Variants in PLCXD3 observed in about 807,000 individuals in gnomAD.
The protein encoded by PLCXD3 is PI-PLC X domain-containing protein 3.
Under a neutral mutation model 25.5 loss-of-function variants are expected in PLCXD3, and 19 were observed. The ratio of observed to expected loss-of-function variants is 0.75; its 90% CI spans 0.52 to 1.09. PLCXD3 has a LOEUF of 1.09. Ranked by LOEUF, PLCXD3 falls within the 50% of genes least tolerant of loss-of-function variation. PLCXD3 has a pLI of 0.00. For missense variants in PLCXD3, 411 were observed against 388.1 expected (o/e 1.06, Z -0.50); for synonymous variants, 174 against 137.6 (o/e 1.26, Z -1.85).
At chr5:41,454,436 G>A (rs1747706344) in intron 1 of PLCXD3, among the ~76,000 whole-genome samples, 1 of 151,974 alleles carries the variant, frequency 6.6e-6, no homozygotes, top group Non-Finnish European at 1.5e-5. Flanking sequence ...GTCCTCACAA[G>A]ATGGCAGGTG....
At chr5:41,477,572 C>G (rs1391261219) in intron 1 of PLCXD3, among the ~76,000 whole-genome samples, 1 of 151,978 alleles carries the variant, frequency 6.6e-6, no homozygotes, top group Non-Finnish European at 1.5e-5. Flanking sequence ...GAACTGGTAC[C>G]CAGGATCAAG....
intron 2 of PLCXD3, among the ~76,000 whole-genome samples, chr5:41,327,087 CT>C (rs932283338): frequency 2.6e-4 from 39 of 152,238 alleles, no homozygotes; most frequent in African/African-American, 8.4e-4. Context: ...GCTATTTGAA[CT>C]TGGTCATGCC....
chr5:41,310,040 C>T lies in PLCXD3; in HGVS notation c.*3577G>A, dbSNP rs1743086821. On this transcript the variant is annotated 3_prime_UTR_variant, in exon 3 of 3. Coordinates refer to ENST00000377801, the MANE Select transcript of PLCXD3 (RefSeq NM_001005473.3). ...TGTGTAATGTGTGTATGTGCACATA[C>T]AGGTGTATACATGGCAAACATTTTA... The T allele has an allele frequency of 6.6e-6, 1 of 151,948 alleles. No homozygotes were observed. The highest frequency in any genetic ancestry group is 1.5e-5 in the Non-Finnish European group (1 of 67,960). 9.4% of individuals were successfully genotyped at this position (151,948 alleles called of 1,614,324 possible).
In PLCXD3 at chr5:41,499,422, T is replaced by C. The variant is rs114136679; in HGVS notation, c.103+11002A>G. ...ATATTATCAAAAGGAACAAAATACT[T>C]TGGAATAAACTTAACAAAGGAGACA... is the stretch of plus-strand genomic sequence containing the variant. On this transcript the variant is annotated intron_variant, in intron 1 of 2. Transcript: ENST00000377801. Among the ~76,000 whole-genome samples the C allele has an allele frequency of 1.0e-3, 155 of 151,718 alleles. 5 individuals carry two copies. Among genetic ancestry groups the C allele is most frequent in the African/African-American group, 3.6e-3 (151 of 41,478 alleles).
chr5:41,368,080 T>C, intron 2 of PLCXD3, among the ~76,000 whole-genome samples: 1 of 152,244 alleles, frequency 6.6e-6, no homozygotes, highest in Non-Finnish European at 1.5e-5. Flanking sequence ...TTTTGATTCT[T>C]TATATCCATG....
rs1029796672 is a variant in PLCXD3, at chr5:41,466,271, T to A, written c.103+44153A>T. On this transcript the variant is annotated intron_variant, in intron 1 of 2. Coordinates refer to ENST00000377801, the MANE Select transcript of PLCXD3 (RefSeq NM_001005473.3). The stretch of plus-strand genomic sequence containing the variant: ...AAAATTGAGCCCTGAACAGAAAAAG[T>A]ACATTAAAATGCTTATAAAGTTAAT... Among the ~76,000 whole-genome samples the A allele has an allele frequency of 2.0e-5, 3 of 152,072 alleles. No individual in the cohort carries two copies. The South Asian group carries it at 6.2e-4, about 31-fold the overall frequency.
At chr5:41,484,222 T>C (rs1227752005) in intron 1 of PLCXD3, among the ~76,000 whole-genome samples, 1 of 151,498 alleles carries the variant, frequency 6.6e-6, no homozygotes, top group African/African-American at 2.4e-5. Context: ...TCATAAAGTC[T>C]GTGACTTAAG....
chr5:41,435,229 T>C (rs927183928), intron 1 of PLCXD3, among the ~76,000 whole-genome samples: 1 of 152,222 alleles, frequency 6.6e-6, no homozygotes, highest in African/African-American at 2.4e-5. Flanking sequence ...TACAACTCTG[T>C]CATCATTTTT....
At chr5:41,430,626 G>T (rs555129164) in intron 1 of PLCXD3, among the ~76,000 whole-genome samples, 19 of 152,234 alleles carry the variant, frequency 1.2e-4, no homozygotes, top group African/African-American at 4.3e-4. Flanking sequence ...ACCTGGAAGG[G>T]AATTCTGTGA....
rs181166529 is a variant in PLCXD3 at position 41,345,056 on chromosome 5, G to A, written c.813-31286C>T. ...ATGATTCTATTACAGCATATAATAG[G>A]GAGACTTGGACACAGTCAAAATAGT... On this transcript the variant is annotated intron_variant, in intron 2 of 2. Transcript: ENST00000377801. Among the ~76,000 whole-genome samples, 12 of 152,200 alleles carry A rather than the reference G, an allele frequency of 7.9e-5. No homozygotes were observed. In the East Asian group the frequency reaches 1.5e-3, roughly 20 times the overall value.
intron 2 of PLCXD3, among the ~76,000 whole-genome samples, chr5:41,358,698 T>A (rs1426733965): frequency 6.6e-6 from 1 of 152,212 alleles, no homozygotes; most frequent in African/African-American, 2.4e-5. Flanking sequence ...TTGATTTGGA[T>A]GTCCTTTATT....
chr5:41,343,933 T>TTCC (rs1463799038), intron 2 of PLCXD3, among the ~76,000 whole-genome samples: 1 of 152,136 alleles, frequency 6.6e-6, no homozygotes, highest in Non-Finnish European at 1.5e-5. Flanking sequence ...CACCTCAGGC[T>TTCC]TCCATTTCAA....
chr5:41,311,243 T>C lies in PLCXD3; in HGVS notation c.*2374A>G, dbSNP rs1234803487. The C allele has an allele frequency of 6.6e-6, 1 of 152,104 alleles. No homozygotes were observed. The highest frequency in any genetic ancestry group is 1.5e-5 in the Non-Finnish European group (1 of 68,000). The allele number at this position is 152,104 out of a possible 1,614,324, so 9.4% of individuals were successfully genotyped here. A position where few individuals can be genotyped will look rare whatever the true frequency, so the allele number is the denominator to read the frequency against. ...TACATTTCAATAATCCTAATCATTT[T>C]AAAAGGATTCATATACATTTTCACA... On this transcript the variant is annotated 3_prime_UTR_variant, in exon 3 of 3. Coordinates refer to ENST00000377801, the MANE Select transcript of PLCXD3 (RefSeq NM_001005473.3).
At chr5:41,495,980 A>C (rs1748827934) in intron 1 of PLCXD3, among the ~76,000 whole-genome samples, 1 of 152,216 alleles carries the variant, frequency 6.6e-6, no homozygotes, top group East Asian at 1.9e-4. Context: ...TCATTAGTTC[A>C]GGACAACAAT....
At chr5:41,431,816 C>T (rs1333745827) in intron 1 of PLCXD3, among the ~76,000 whole-genome samples, 1 of 152,118 alleles carries the variant, frequency 6.6e-6, no homozygotes, top group East Asian at 1.9e-4. Context: ...TTTCAGAATT[C>T]AAATCACACT....
At chr5:41,365,420 A>G (rs1246268230) in intron 2 of PLCXD3, among the ~76,000 whole-genome samples, 1 of 152,172 alleles carries the variant, frequency 6.6e-6, no homozygotes, top group Non-Finnish European at 1.5e-5. Flanking sequence ...TATGTCAACT[A>G]CAGATAATTT....
intron 2 of PLCXD3, among the ~76,000 whole-genome samples, chr5:41,367,880 C>G (rs754155404): frequency 8.5e-5 from 13 of 152,114 alleles, no homozygotes; most frequent in Non-Finnish European, 1.8e-4. Flanking sequence ...CTCCCAGCAC[C>G]ATTTATTAAA....
intron 2 of PLCXD3, among the ~76,000 whole-genome samples, chr5:41,315,564 C>G (rs1743266286): frequency 6.6e-6 from 1 of 152,152 alleles, no homozygotes; most frequent in Admixed American, 6.5e-5. Context: ...ACTATTTACA[C>G]AGCAAAAAAC....
chr5:41,473,469 A>G lies in PLCXD3; in HGVS notation c.103+36955T>C, dbSNP rs113337347. On this transcript the variant is annotated intron_variant, in intron 1 of 2. Transcript: ENST00000377801. ...TTTAATTAATTAATTAATTAATAATAATTATTATTATTTTTTGAGACGAGT... is the reference window on the plus strand; with the variant it reads ...TTTAATTAATTAATTAATTAATAATGATTATTATTATTTTTTGAGACGAGT... 4.0e-5 allele frequency among the ~76,000 whole-genome samples: 6 copies of G among 150,778 alleles called. No individual in the cohort carries two copies. In the South Asian group the frequency reaches 1.3e-3, roughly 32 times the overall value.
Sources: allele counts gnomAD v4.1 joint callset (sites outside exome capture counted in the v4.1 genomes callset), GRCh38; gene constraint gnomAD v4.1.1; transcripts MANE v1.5; gene names NCBI Gene and HGNC (gene_info 2026-07-23, HGNC 2026-07-21).